Variants in PTPRT observed in about 807,000 individuals in gnomAD.
PTPRT encodes the protein receptor-type tyrosine-protein phosphatase T.
Under a neutral mutation model 176.8 loss-of-function variants are expected in PTPRT, and 56 were observed. The ratio of observed to expected loss-of-function variants is 0.32; its 90% confidence interval spans 0.26 to 0.40. The LOEUF (loss-of-function observed/expected upper bound fraction) is 0.40, where lower values mean the gene tolerates loss of function less well. Ranked by LOEUF, PTPRT falls within the 10% of genes least tolerant of loss-of-function variation. The pLI is 1.00. For missense variants in PTPRT, 1,540 were observed against 1,908.2 expected (o/e 0.81, Z 3.60); for synonymous variants, 783 against 739.0 (o/e 1.06, Z -0.96).
At chr20:42,427,219 A>G (rs1459840716) in intron 9 of PTPRT, among the ~76,000 whole-genome samples, 1 of 152,156 alleles carries the variant, frequency 6.6e-6, no homozygotes, top group Non-Finnish European at 1.5e-5. Context: ...TTTGGCACCT[A>G]CTGCATGGCA....
At chr20:42,576,967 C>T (rs969976270) in intron 7 of PTPRT, among the ~76,000 whole-genome samples, 5 of 151,998 alleles carry the variant, frequency 3.3e-5, no homozygotes, top group Non-Finnish European at 7.4e-5. Context: ...GTGGCAAATG[C>T]TATCATAAAT....
chr20:42,791,551 G>A, intron 2 of PTPRT, 85 bp from the exon 3 acceptor site: 4 of 1,409,376 alleles, frequency 2.8e-6, no homozygotes, highest in Non-Finnish European at 3.8e-6. Context: ...CCATAAACAT[G>A]GTGGCCAGAG....
At chr20:42,621,733 A>G (rs2074200757) in intron 7 of PTPRT, among the ~76,000 whole-genome samples, 1 of 152,182 alleles carries the variant, frequency 6.6e-6, no homozygotes, top group Non-Finnish European at 1.5e-5. Context: ...AGTACTATGA[A>G]TTAAACTACT....
At chr20:42,181,674 G>C (rs2146591315) in intron 16 of PTPRT, among the ~76,000 whole-genome samples, 1 of 152,212 alleles carries the variant, frequency 6.6e-6, no homozygotes, top group East Asian at 1.9e-4. Context: ...CTTAAAATTA[G>C]CATAATGATT....
intron 12 of PTPRT, among the ~76,000 whole-genome samples, chr20:42,286,366 T>G (rs2057230776): frequency 6.6e-6 from 1 of 152,104 alleles, no homozygotes; most frequent in African/African-American, 2.4e-5. Flanking sequence ...AGCATGGTAC[T>G]GGCATAAAAA....
chr20:42,771,498 C>G lies in PTPRT; in HGVS notation c.621G>C (p.Gln207His), dbSNP rs755588862. 9 of 1,614,168 alleles carry G rather than the reference C, an allele frequency of 5.6e-6. No individual in the cohort carries two copies. The East Asian group carries it at 1.8e-4, about 32-fold the overall frequency. ...RLQNVEVNVG[Q>H]NATFQCIAGG... ...CAGCAATGCACTGAAATGTGGCATT[C>G]TGCCCCACATTCACCTCCACGTTTT... The change falls in exon 5 of 31, where the codon CAG becomes CAC. Residue 207 changes from glutamine (Q) to histidine (H), a missense_variant. By Grantham distance (24) the Gln-to-His change is conservative (BLOSUM62 0). Transcript: ENST00000373187.
chr20:42,213,036 T>A (rs2055681922), intron 15 of PTPRT, among the ~76,000 whole-genome samples: 2 of 152,146 alleles, frequency 1.3e-5, no homozygotes, highest in African/African-American at 4.8e-5. Context: ...GTGATTATAG[T>A]GTGCCACTAA....
rs11368567 is a variant in PTPRT, at chr20:42,678,259, C to CA, written c.860-101dup. ...AGGGACAGAATTCTTGATGTAGCCA[C>CA]AAAAAAAATAGTCAGAAACCCCTTT... On this transcript the variant is annotated intron_variant, in intron 6 of 30. Transcript: ENST00000373187. 4.7e-3 allele frequency: 5,407 copies of CA among 1,148,958 alleles called. 175 individuals carry two copies. The African/African-American group carries it at 0.068, about 15-fold the overall frequency. The allele number at this position is 1,148,958 out of a possible 1,614,324, so 71.2% of individuals were successfully genotyped here.
At chr20:42,686,926 A>G (rs2075706689) in intron 6 of PTPRT, among the ~76,000 whole-genome samples, 1 of 152,186 alleles carries the variant, frequency 6.6e-6, no homozygotes, top group Admixed American at 6.5e-5. Flanking sequence ...AATCCAGTCT[A>G]ACATATTATG....
intron 2 of PTPRT, among the ~76,000 whole-genome samples, chr20:42,794,000 T>C (rs940122341): frequency 3.9e-5 from 6 of 152,182 alleles, no homozygotes; most frequent in African/African-American, 1.4e-4. Context: ...CACGGGCTCA[T>C]GTACCCTTGG....
At chr20:42,467,949 G>A (rs6102845) in intron 8 of PTPRT, among the ~76,000 whole-genome samples, 2,465 of 152,280 alleles carry the variant, frequency 0.016, 64 homozygotes, top group African/African-American at 0.057. Flanking sequence ...GTCAAAGTGA[G>A]CTGCCAAGCA....
chr20:43,015,849 T>C (rs1275581759), intron 1 of PTPRT, among the ~76,000 whole-genome samples: 1 of 151,926 alleles, frequency 6.6e-6, no homozygotes, highest in Non-Finnish European at 1.5e-5. Context: ...AGCAGATTCC[T>C]TTGCAGATAT....
intron 2 of PTPRT, among the ~76,000 whole-genome samples, chr20:42,855,703 A>T (rs1251508208): frequency 1.3e-5 from 2 of 150,346 alleles, no homozygotes; most frequent in Non-Finnish European, 2.9e-5. Context: ...AAGTGCTGGT[A>T]TTACAGGCAT....
intron 1 of PTPRT, among the ~76,000 whole-genome samples, chr20:43,099,435 G>A (rs966811897): frequency 6.6e-6 from 1 of 152,140 alleles, no homozygotes; most frequent in African/African-American, 2.4e-5. Context: ...ACACAAGTCT[G>A]TGTACTCTGG....
chr20:42,555,826 C>T (rs764662545), intron 7 of PTPRT, among the ~76,000 whole-genome samples: 6 of 152,186 alleles, frequency 3.9e-5, no homozygotes, highest in Non-Finnish European at 7.3e-5. Flanking sequence ...GGTCCTCCCA[C>T]CTGCTTGTGG....
At chr20:43,093,092 T>C (rs777433077) in intron 1 of PTPRT, among the ~76,000 whole-genome samples, 4 of 152,230 alleles carry the variant, frequency 2.6e-5, no homozygotes, top group Admixed American at 1.3e-4. Flanking sequence ...TATTAGATGG[T>C]CACTTTTTAA....
At chr20:42,350,122 C>T (rs375292326) in intron 11 of PTPRT, among the ~76,000 whole-genome samples, 17 of 151,940 alleles carry the variant, frequency 1.1e-4, no homozygotes, top group African/African-American at 4.1e-4. Context: ...GACTGTGTTC[C>T]AGGCCACCGA....
At chr20:43,024,403 G>C (rs1600655956) in intron 1 of PTPRT, among the ~76,000 whole-genome samples, 1 of 151,812 alleles carries the variant, frequency 6.6e-6, no homozygotes, top group Non-Finnish European at 1.5e-5. Context: ...AGCCTGGCCA[G>C]CATGGTGAAA....
At chr20:42,109,078 G>A (rs908222055) in intron 23 of PTPRT, among the ~76,000 whole-genome samples, 4 of 152,230 alleles carry the variant, frequency 2.6e-5, no homozygotes, top group African/African-American at 9.7e-5. Flanking sequence ...CATTTAGAGA[G>A]TCCAGGATTA....
Sources: gnomAD v4.1 joint callset for allele counts (sites outside exome capture counted in the v4.1 genomes callset) on GRCh38, gnomAD v4.1.1 for gene constraint, MANE v1.5 for transcripts, NCBI Gene and HGNC (gene_info 2026-07-23, HGNC 2026-07-21) for gene names.